Variants in THSD7B observed in about 807,000 individuals in gnomAD.
The protein encoded by THSD7B is thrombospondin type 1 domain containing 7B, also known as thrombospondin type-1 domain-containing protein 7B.
In THSD7B, 138 loss-of-function variants were observed where a neutral mutation model predicts 213.6. The observed-to-expected ratio is 0.65, with a 90% CI of 0.56 to 0.74. The LOEUF (loss-of-function observed/expected upper bound fraction) is 0.74. Among genes scored for constraint, THSD7B ranks in the 30% least tolerant of loss-of-function variants. THSD7B has a pLI of 0.00. For synonymous variants in THSD7B, 742 were observed against 687.0 expected (o/e 1.08, Z -1.25); for missense variants, 1,931 against 1,991.5 (o/e 0.97, Z 0.58).
chr2:137,485,974 C>A (rs1688431844), intron 15 of THSD7B, among the ~76,000 whole-genome samples: 1 of 152,070 alleles, frequency 6.6e-6, no homozygotes, highest in African/African-American at 2.4e-5. Flanking sequence ...CAGGCCTGCC[C>A]TAAAAGAGCT....
chr2:137,460,146 G>A (rs547064827), intron 15 of THSD7B, among the ~76,000 whole-genome samples: 1 of 152,296 alleles, frequency 6.6e-6, no homozygotes, highest in Non-Finnish European at 1.5e-5. Context: ...AGGTTTAGAA[G>A]ATGTAATAGC....
intron 14 of THSD7B, among the ~76,000 whole-genome samples, chr2:137,446,122 A>G (rs977902514): frequency 6.6e-6 from 1 of 151,952 alleles, no homozygotes; most frequent in Non-Finnish European, 1.5e-5. Flanking sequence ...GTTGGCTATT[A>G]TTTTATATAG....
intron 2 of THSD7B, among the ~76,000 whole-genome samples, chr2:136,935,887 A>G (rs1279350712): frequency 6.7e-6 from 1 of 148,280 alleles, no homozygotes; most frequent in Non-Finnish European, 1.5e-5. Context: ...TTATATAATT[A>G]CATATAATAT....
chr2:137,063,711 C>T (rs1209717950), intron 3 of THSD7B, among the ~76,000 whole-genome samples: 3 of 152,050 alleles, frequency 2.0e-5, no homozygotes, highest in Non-Finnish European at 4.4e-5. Flanking sequence ...AGCCTCTATT[C>T]TCTAGCTCCA....
At chr2:137,585,381 G>T (rs892033444) in intron 17 of THSD7B, among the ~76,000 whole-genome samples, 2 of 152,038 alleles carry the variant, frequency 1.3e-5, no homozygotes, top group African/African-American at 2.4e-5. Flanking sequence ...CCTTCTGCTA[G>T]CTTTTGAATG....
intron 15 of THSD7B, among the ~76,000 whole-genome samples, chr2:137,508,319 A>C (rs1413342205): frequency 1.3e-5 from 2 of 150,028 alleles, no homozygotes; most frequent in Non-Finnish European, 3.0e-5. Flanking sequence ...GGCTCACTGC[A>C]TTCTCAAACT....
intron 7 of THSD7B, among the ~76,000 whole-genome samples, chr2:137,205,338 T>C (rs1680963094): frequency 6.6e-6 from 1 of 152,100 alleles, no homozygotes; most frequent in African/African-American, 2.4e-5. Context: ...AAGATTCTCC[T>C]ACCACAAATG....
chr2:137,252,673 C>T (rs1199562855), intron 10 of THSD7B, among the ~76,000 whole-genome samples: 2 of 152,182 alleles, frequency 1.3e-5, no homozygotes. Flanking sequence ...AGGCCAGAGA[C>T]TCATGTGGAA....
rs528775689 is a variant in THSD7B at position 137,451,420 on chromosome 2, G to C, written c.3138+397G>C. ...CACTTATGTCATGGCAATATGATTA[G>C]TGGTCTTATCCATCAAGTCCAAAAA... On this transcript the variant is annotated intron_variant, in intron 15 of 27. Transcript: ENST00000409968. Among the ~76,000 whole-genome samples, 42 of 151,866 alleles carry C rather than the reference G, an allele frequency of 2.8e-4. No homozygotes were observed. The East Asian group carries it at 7.9e-3, about 29-fold the overall frequency.
chr2:137,399,196 T>C (rs1208412964), intron 12 of THSD7B, among the ~76,000 whole-genome samples: 302 of 59,422 alleles, frequency 5.1e-3, no homozygotes, highest in African/African-American at 7.7e-3. Context: ...TCCCCACCCC[T>C]TTTTTTTTTT....
chr2:137,420,997 A>T (rs968760971), intron 14 of THSD7B, among the ~76,000 whole-genome samples: 2 of 151,904 alleles, frequency 1.3e-5, no homozygotes, highest in Admixed American at 1.3e-4. Context: ...GTGGCATAGC[A>T]TCTGGCTTCA....
chr2:137,095,437 T>A (rs1363870548), intron 4 of THSD7B, among the ~76,000 whole-genome samples: 4 of 152,206 alleles, frequency 2.6e-5, no homozygotes, highest in African/African-American at 9.7e-5. Flanking sequence ...CCATTAGCTA[T>A]TATTACCTGA....
chr2:137,431,885 A>C (rs1354784930), intron 14 of THSD7B, among the ~76,000 whole-genome samples: 1 of 145,486 alleles, frequency 6.9e-6, no homozygotes, highest in Non-Finnish European at 1.5e-5. Flanking sequence ...TGACAACGGG[A>C]ACAGATAACC....
chr2:137,133,574 G>C (rs1688779928), intron 5 of THSD7B, among the ~76,000 whole-genome samples: 2 of 152,162 alleles, frequency 1.3e-5, no homozygotes. Context: ...AAGTTCCCTG[G>C]AGATGCCTAT....
chr2:137,330,639 G>A (rs544144987), intron 12 of THSD7B, among the ~76,000 whole-genome samples: 8 of 152,150 alleles, frequency 5.3e-5, no homozygotes, highest in South Asian at 4.2e-4. Context: ...CATTCCCCCC[G>A]GTGAGCTCAT....
At chr2:136,805,593 C>A (rs1158341319) in intron 1 of THSD7B, among the ~76,000 whole-genome samples, 1 of 152,056 alleles carries the variant, frequency 6.6e-6, no homozygotes, top group East Asian at 1.9e-4. Flanking sequence ...GGTTCTCTCT[C>A]CCCTCTCATT....
At chr2:137,128,684 A>T (rs796795547) in intron 5 of THSD7B, among the ~76,000 whole-genome samples, 10 of 152,320 alleles carry the variant, frequency 6.6e-5, no homozygotes, top group African/African-American at 2.4e-4. Flanking sequence ...AACTTCTAGC[A>T]CTTTAGCCAG....
chr2:136,820,518 T>A (rs1435131987), intron 1 of THSD7B, among the ~76,000 whole-genome samples: 6 of 152,190 alleles, frequency 3.9e-5, no homozygotes, highest in Admixed American at 3.9e-4. Flanking sequence ...AATAACTGTC[T>A]GGTATCCTTC....
rs543011026 is a variant in THSD7B, at chr2:137,097,509, A to G, written c.1199+2388A>G. 5.9e-5 allele frequency among the ~76,000 whole-genome samples: 9 copies of G among 152,318 alleles called. No homozygotes were observed. The East Asian group carries it at 1.7e-3, about 29-fold the overall frequency. Reference sequence around the variant, plus strand: ...CTGAAGCCAGTATTCTTTCCATTATATCACACTGACTTTCATGATAGGCAC... The same window carrying G: ...CTGAAGCCAGTATTCTTTCCATTATGTCACACTGACTTTCATGATAGGCAC... On this transcript the variant is annotated intron_variant, in intron 4 of 27. Coordinates refer to ENST00000409968, the MANE Select transcript of THSD7B (RefSeq NM_001316349.2).
Sources: gnomAD v4.1 joint callset for allele counts (sites outside exome capture counted in the v4.1 genomes callset) on GRCh38, gnomAD v4.1.1 for gene constraint, MANE v1.5 for transcripts, NCBI Gene and HGNC (gene_info 2026-07-23, HGNC 2026-07-21) for gene names.